DDX59: variants seen among roughly 807,000 people sequenced by gnomAD.
DDX59 encodes probable ATP-dependent RNA helicase DDX59.
A neutral mutation model predicts 51.9 loss-of-function variants in DDX59; 30 were observed. The observed-to-expected ratio is 0.58, with a 90% CI of 0.43 to 0.78. The LOEUF (loss-of-function observed/expected upper bound fraction) is 0.78, where lower values mean the gene tolerates loss of function less well. DDX59 is among the 30% of genes least tolerant of loss of function. The pLI is 0.00. For missense variants in DDX59, 672 were observed against 730.8 expected, an observed-to-expected ratio of 0.92 and a Z score of 0.93; for synonymous variants, 255 against 253.3, an observed-to-expected ratio of 1.01 and a Z score of -0.06.
At chr1:200,649,307 A>G in intron 5 of DDX59, 81 bp from the exon 6 acceptor site, 1 of 1,305,410 alleles carries the variant, frequency 7.7e-7, no homozygotes, top group Non-Finnish European at 1.0e-6. Flanking sequence ...GATTATCACA[A>G]GCTAGTTATC....
chr1:200,643,545 A>G (rs946706200), downstream of DDX59, among the ~76,000 whole-genome samples: 7 of 152,068 alleles, frequency 4.6e-5, no homozygotes, highest in Non-Finnish European at 7.4e-5. Flanking sequence ...TGGGAGGCTG[A>G]GGAAAGGGAA....
chr1:200,648,307 A>G (rs1661425620), intron 7 of DDX59, 132 bp downstream of exon 7: 1 of 1,265,760 alleles, frequency 7.9e-7, no homozygotes, highest in African/African-American at 1.5e-5. Context: ...ATGGCCTTCC[A>G]AAGTGCTGGG....
In DDX59 at chr1:200,644,427, G is replaced by A. The variant is rs150450531; in HGVS notation, c.1687C>T (p.Arg563Ter). The change falls in exon 8 of 8, where the codon CGA becomes TGA. Residue 563 changes from arginine to a stop codon, truncating the protein, a stop_gained. Coordinates refer to ENST00000331314, the MANE Select transcript of DDX59 (RefSeq NM_001031725.6). LOFTEE classifies it high-confidence loss of function. ...AGAATGGATCCTGTGGGCTTTACTC[G>A]TTTTGCAATATCCCAGAAGAGTCTT... ...SKRLFWDIAK[R>*]VKPTGSILPP... 1.4e-4 allele frequency: 226 copies of A among 1,613,572 alleles called. No homozygotes were observed. Among genetic ancestry groups the A allele is most frequent in the Non-Finnish European group, 1.5e-4 (179 of 1,179,876 alleles).
rs1321337940 is a variant in DDX59 at position 200,666,085 on chromosome 1, T to C, written c.656A>G (p.Lys219Arg). 3 of 1,614,102 alleles carry C rather than the reference T, an allele frequency of 1.9e-6. No homozygotes were observed. Among genetic ancestry groups the C allele is most frequent in the Non-Finnish European group, 2.5e-6 (3 of 1,180,040 alleles). ...AGTTGGCACCTCATAGCCTGATTTC[T>C]TCAAGTTGTGATTTAAGACCTCAGG... ...SLPEVLNHNL[K>R]KSGYEVPTPI... Residue 219 changes from lysine (K) to arginine (R), a missense_variant, in exon 2 of 8, where the codon AAG becomes AGG. Physicochemically the swap from Lys to Arg is conservative, Grantham distance 26 (BLOSUM62 2). Coordinates refer to ENST00000331314, the MANE Select transcript of DDX59 (RefSeq NM_001031725.6).
intron 3 of DDX59, among the ~76,000 whole-genome samples, chr1:200,663,351 A>C (rs1274193180): frequency 6.6e-6 from 1 of 152,242 alleles, no homozygotes; most frequent in Non-Finnish European, 1.5e-5. Context: ...AGGTATCTTC[A>C]GCCACCCATT....
At chr1:200,650,733 C>A in intron 4 of DDX59, 57 bp from the exon 5 acceptor site, 1 of 1,419,588 alleles carries the variant, frequency 7.0e-7, no homozygotes, top group Non-Finnish European at 9.4e-7. Context: ...CAGAACCACC[C>A]CCAAAAAAGA....
downstream of DDX59, among the ~76,000 whole-genome samples, chr1:200,643,159 G>C (rs535442630): frequency 2.0e-5 from 3 of 151,570 alleles, no homozygotes; most frequent in Non-Finnish European, 4.4e-5. Flanking sequence ...GTGAGACAAC[G>C]CCTGTGGTCC....
chr1:200,665,848 G>C, intron 2 of DDX59, 89 bp downstream of exon 2: 1 of 1,379,916 alleles, frequency 7.2e-7, no homozygotes, highest in South Asian at 1.6e-5. Context: ...GTTTTAGTCT[G>C]CAATTTTAAT....
At chr1:200,649,034 G>T in intron 6 of DDX59, 40 bp downstream of exon 6, 1 of 1,496,800 alleles carries the variant, frequency 6.7e-7, no homozygotes, top group Non-Finnish European at 8.9e-7. Context: ...AGGCAGAACA[G>T]ATTTATAGAA....
chr1:200,662,878 C>T lies in DDX59; in HGVS notation c.972+1041G>A, dbSNP rs193166236. On this transcript the variant is annotated intron_variant, in intron 3 of 7. Transcript: ENST00000331314. ...GTATTGTTTACTTTATAAATATATA[C>T]TGCTGAACTTATAATTTGGCATTAA... 1.5e-3 allele frequency among the ~76,000 whole-genome samples: 236 copies of T among 152,284 alleles called. 1 individual carries two copies. The highest frequency in any genetic ancestry group is 2.5e-3 in the Non-Finnish European group (167 of 68,036).
chr1:200,643,870 T>A (rs1406234366), downstream of DDX59, among the ~76,000 whole-genome samples: 1 of 152,160 alleles, frequency 6.6e-6, no homozygotes, highest in Non-Finnish European at 1.5e-5. Context: ...TTTACATTTT[T>A]CCTAATTCTC....
intron 3 of DDX59, among the ~76,000 whole-genome samples, chr1:200,660,829 C>T (rs529459401): frequency 3.2e-4 from 48 of 152,278 alleles, no homozygotes; most frequent in African/African-American, 1.1e-3. Context: ...CAACAATACT[C>T]GAGTTCAGCA....
chr1:200,658,208 G>A lies in DDX59; in HGVS notation c.1062+819C>T, dbSNP rs115673028. Among the ~76,000 whole-genome samples the A allele has an allele frequency of 8.7e-3, 1,324 of 152,316 alleles. 20 individuals are homozygous for A. The highest frequency in any genetic ancestry group is 0.03 in the African/African-American group (1,230 of 41,560). ...ACATGTGGGAAGATGCATGTGCCCCGCAGGCAGAAATGGCACATGCCCAGG... is the reference window on the plus strand; with the variant it reads ...ACATGTGGGAAGATGCATGTGCCCCACAGGCAGAAATGGCACATGCCCAGG... On this transcript the variant is annotated intron_variant, in intron 4 of 7. Coordinates refer to ENST00000331314, the MANE Select transcript of DDX59 (RefSeq NM_001031725.6).
Position 200,666,762 on chromosome 1 carries a change from A to T in DDX59, c.-11-11T>A, listed in dbSNP as rs1404650572. ...ACATCCTTCAATATTCTGTTAAGGA[A>T]ATTATATAATGAGATTTATTGTACC... On this transcript the variant is annotated splice_polypyrimidine_tract_variant and intron_variant, in intron 1 of 7. Coordinates refer to ENST00000331314, the MANE Select transcript of DDX59 (RefSeq NM_001031725.6). The T allele has an allele frequency of 6.3e-7, 1 of 1,584,466 alleles. No homozygotes were observed. The highest frequency in any genetic ancestry group is 1.4e-5 in the African/African-American group (1 of 73,802).
chr1:200,642,310 T>A (rs138280623), downstream of DDX59, among the ~76,000 whole-genome samples: 33 of 152,342 alleles, frequency 2.2e-4, no homozygotes, highest in African/African-American at 7.7e-4. Flanking sequence ...TAAAATTTTA[T>A]AATATAGTAC....
intron 1 of DDX59, among the ~76,000 whole-genome samples, chr1:200,667,322 A>T (rs540884370): frequency 1.3e-4 from 20 of 152,212 alleles, no homozygotes; most frequent in African/African-American, 4.3e-4. Context: ...AATCTCTTGA[A>T]CCCAGGAGGC....
chr1:200,658,268 G>A (rs1354178627), intron 4 of DDX59, among the ~76,000 whole-genome samples: 1 of 152,142 alleles, frequency 6.6e-6, no homozygotes, highest in African/African-American at 2.4e-5. Flanking sequence ...TCCCATGGCA[G>A]AATATCACTG....
intron 7 of DDX59, among the ~76,000 whole-genome samples, chr1:200,648,128 A>G (rs950262681): frequency 2.0e-5 from 3 of 150,576 alleles, no homozygotes; most frequent in African/African-American, 7.3e-5. Flanking sequence ...AGTTCAAGCG[A>G]TTTTCCTGCC....
intron 4 of DDX59, among the ~76,000 whole-genome samples, chr1:200,656,405 T>C (rs1662025192): frequency 6.6e-6 from 1 of 152,206 alleles, no homozygotes; most frequent in Non-Finnish European, 1.5e-5. Flanking sequence ...CTTCAGTATA[T>C]GTATCTTTTC....
Sources: allele counts gnomAD v4.1 joint callset (sites outside exome capture counted in the v4.1 genomes callset), GRCh38; gene constraint gnomAD v4.1.1; transcripts MANE v1.5; gene names NCBI Gene and HGNC (gene_info 2026-07-23, HGNC 2026-07-21).